NFIB: variants seen among roughly 807,000 people sequenced by gnomAD.
The protein encoded by NFIB is nuclear factor I B, also known as nuclear factor 1 B-type.
A neutral mutation model predicts 61.5 loss-of-function variants in NFIB; 11 were observed. The observed-to-expected ratio is 0.18, with a 90% confidence interval of 0.11 to 0.30. The LOEUF (loss-of-function observed/expected upper bound fraction) is 0.30. Ranked by LOEUF, NFIB falls within the 10% of genes least tolerant of loss-of-function variation. The probability of loss-of-function intolerance (pLI) is 1.00; values close to 1 mark genes in which losing one functional copy is unlikely to be tolerated. For synonymous variants in NFIB, 260 were observed against 216.5 expected (o/e 1.20, Z -1.76); for missense variants, 471 against 608.9 (o/e 0.77, Z 2.38).
chr9:14,229,864 C>T (rs1185490935), intron 2 of NFIB, among the ~76,000 whole-genome samples: 1 of 152,184 alleles, frequency 6.6e-6, no homozygotes, highest in African/African-American at 2.4e-5. Flanking sequence ...TGCAATGGCG[C>T]GATCTCGGCT....
intron 1 of NFIB, among the ~76,000 whole-genome samples, chr9:14,364,416 G>T (rs1396322696): frequency 6.6e-6 from 1 of 152,184 alleles, no homozygotes; most frequent in Non-Finnish European, 1.5e-5. Flanking sequence ...TGCGAGAGGT[G>T]AAAATTCTAA....
At chr9:14,477,274 A>AT in the NFIB span, among the ~76,000 whole-genome samples, 1 of 152,222 alleles carries the variant, frequency 6.6e-6, no homozygotes, top group Non-Finnish European at 1.5e-5. Flanking sequence ...TATGCCTATG[A>AT]TTAAAAAAAG....
At chr9:14,440,516 T>C in the NFIB span, among the ~76,000 whole-genome samples, 24 of 152,306 alleles carry the variant, frequency 1.6e-4, no homozygotes, top group South Asian at 4.1e-4. Flanking sequence ...TCTCAATGAA[T>C]GTCAAAAATC....
intron 1 of NFIB, among the ~76,000 whole-genome samples, chr9:14,350,201 GCTT>G (rs2061089523): frequency 1.3e-5 from 2 of 152,100 alleles, no homozygotes; most frequent in Non-Finnish European, 2.9e-5. Flanking sequence ...AAACAATGCC[GCTT>G]ATTAGAGATA....
At chr9:14,105,089 CTGTT>C (rs1040128934) in intron 10 of NFIB, among the ~76,000 whole-genome samples, 21 of 152,164 alleles carry the variant, frequency 1.4e-4, no homozygotes, top group East Asian at 3.9e-4. Context: ...AATATTTTGT[CTGTT>C]TGTTTGTTTT....
intron 1 of NFIB, among the ~76,000 whole-genome samples, chr9:14,353,999 A>T (rs565010728): frequency 6.6e-6 from 1 of 152,238 alleles, no homozygotes; most frequent in Non-Finnish European, 1.5e-5. Flanking sequence ...ATCACTTAAA[A>T]TGTTCCAACC....
intron 2 of NFIB, among the ~76,000 whole-genome samples, chr9:14,236,567 G>A (rs1276123976): frequency 2.0e-5 from 3 of 152,116 alleles, no homozygotes; most frequent in African/African-American, 7.2e-5. Context: ...CATCCGTGCT[G>A]GACTAACTGA....
At chr9:14,149,792 A>G (rs1026171631) in intron 5 of NFIB, among the ~76,000 whole-genome samples, 2 of 152,160 alleles carry the variant, frequency 1.3e-5, no homozygotes, top group African/African-American at 2.4e-5. Flanking sequence ...GTTACCAGGA[A>G]TCAGTTATAA....
chr9:14,092,038 A>C (rs1249906312), intron 10 of NFIB, among the ~76,000 whole-genome samples: 1 of 152,170 alleles, frequency 6.6e-6, no homozygotes, highest in African/African-American at 2.4e-5. Context: ...TGAATTATTT[A>C]GAGCTTAAGA....
the NFIB span, among the ~76,000 whole-genome samples, chr9:14,502,001 T>A: frequency 6.6e-6 from 1 of 152,154 alleles, no homozygotes; most frequent in Non-Finnish European, 1.5e-5. Context: ...AAGATTTGAA[T>A]TGGATGAGAA....
chr9:14,288,237 T>C lies in NFIB; in HGVS notation c.562+18752A>G, dbSNP rs181335552. On this transcript the variant is annotated intron_variant, in intron 2 of 10. Transcript: ENST00000380953. ...CCAGAATTAGTTTTAAAAGATACTT[T>C]ACGAAACATTTTAAGACAATGTGTA... 1.2e-4 allele frequency among the ~76,000 whole-genome samples: 18 copies of C among 152,176 alleles called. No individual in the cohort carries two copies. The East Asian group carries it at 3.5e-3, about 29-fold the overall frequency.
At chr9:14,144,331 A>C (rs1437759904) in intron 6 of NFIB, among the ~76,000 whole-genome samples, 1 of 152,188 alleles carries the variant, frequency 6.6e-6, no homozygotes, top group Non-Finnish European at 1.5e-5. Context: ...ACACATTCAC[A>C]AGGTTATTAC....
the NFIB span, among the ~76,000 whole-genome samples, chr9:14,454,332 G>C: frequency 1.3e-5 from 2 of 152,322 alleles, no homozygotes; most frequent in African/African-American, 4.8e-5. Context: ...TTTAGCTGCA[G>C]ACAATCTGCA....
chr9:14,394,545 ATT>A (rs1159485522), intron 1 of NFIB, among the ~76,000 whole-genome samples: 1 of 152,208 alleles, frequency 6.6e-6, no homozygotes, highest in Non-Finnish European at 1.5e-5. Context: ...TGGGAGACAT[ATT>A]CACTACCATA....
the NFIB span, among the ~76,000 whole-genome samples, chr9:14,519,597 T>C: frequency 1.1e-4 from 16 of 152,350 alleles, no homozygotes; most frequent in African/African-American, 3.8e-4. Flanking sequence ...GTATACTTTA[T>C]ACTGTCAGGC....
At chr9:14,531,482 C>G in the NFIB span, among the ~76,000 whole-genome samples, 2 of 152,162 alleles carry the variant, frequency 1.3e-5, no homozygotes, top group African/African-American at 4.8e-5. Flanking sequence ...CAGTCGCATA[C>G]TGATGAGGGA....
the NFIB span, among the ~76,000 whole-genome samples, chr9:14,417,417 T>C: frequency 3.3e-5 from 5 of 152,196 alleles, no homozygotes; most frequent in African/African-American, 1.2e-4. Flanking sequence ...CACACGATAA[T>C]GAAATTGCCT....
intron 2 of NFIB, among the ~76,000 whole-genome samples, chr9:14,302,095 G>C (rs975855411): frequency 6.6e-6 from 1 of 152,210 alleles, no homozygotes. Context: ...ATCCTAGAGA[G>C]CAGCCTCATT....
At chr9:14,129,469 G>T (rs1379845002) in intron 6 of NFIB, among the ~76,000 whole-genome samples, 1 of 150,982 alleles carries the variant, frequency 6.6e-6, no homozygotes, top group African/African-American at 2.4e-5. Flanking sequence ...ATTATCTGGG[G>T]AAAAAGTAAA....
Sources: allele counts gnomAD v4.1 joint callset (sites outside exome capture counted in the v4.1 genomes callset), GRCh38; gene constraint gnomAD v4.1.1; transcripts MANE v1.5; gene names NCBI Gene and HGNC (gene_info 2026-07-23, HGNC 2026-07-21).